TENM2: variants seen among roughly 807,000 people sequenced by gnomAD.
TENM2 encodes teneurin-2.
In TENM2, 52 loss-of-function variants were observed where a neutral mutation model predicts 245.2. The ratio of observed to expected loss-of-function variants is 0.21; its 90% CI spans 0.17 to 0.27. TENM2 has a LOEUF of 0.27. Among genes scored for constraint, TENM2 ranks in the 10% least tolerant of loss-of-function variants. TENM2 has a pLI of 1.00. For missense variants in TENM2, 3,046 were observed against 3,666.8 expected (o/e 0.83, Z 4.37); for synonymous variants, 1,363 against 1,438.9 (o/e 0.95, Z 1.19).
chr5:167,832,712 G>A (rs866390810), intron 2 of TENM2, among the ~76,000 whole-genome samples: 16 of 151,668 alleles, frequency 1.1e-4, no homozygotes, highest in Middle Eastern at 3.2e-3. Context: ...GGAAAGGAGG[G>A]ATGGAGGAAG....
At chr5:167,566,194 T>A (rs1045638878) in intron 2 of TENM2, among the ~76,000 whole-genome samples, 1 of 151,990 alleles carries the variant, frequency 6.6e-6, no homozygotes, top group Non-Finnish European at 1.5e-5. Context: ...TTTTTTTTTT[T>A]AATGAAAGAG....
chr5:167,810,514 G>C (rs1409800623), intron 2 of TENM2, among the ~76,000 whole-genome samples: 1 of 151,660 alleles, frequency 6.6e-6, no homozygotes, highest in Non-Finnish European at 1.5e-5. Flanking sequence ...TGACAGCTTT[G>C]TCATTTTCAT....
chr5:167,803,557 G>T (rs1428916956), intron 2 of TENM2, among the ~76,000 whole-genome samples: 2 of 152,054 alleles, frequency 1.3e-5, no homozygotes, highest in Non-Finnish European at 2.9e-5. Context: ...CTCCTGTGGA[G>T]CTCCGTATTT....
intron 7 of TENM2, among the ~76,000 whole-genome samples, chr5:168,075,180 T>C (rs1415001226): frequency 6.6e-6 from 1 of 152,192 alleles, no homozygotes; most frequent in Non-Finnish European, 1.5e-5. Flanking sequence ...AGTGAGAACA[T>C]ACAATGTTTG....
At chr5:167,830,767 A>G (rs1305586407) in intron 2 of TENM2, among the ~76,000 whole-genome samples, 2 of 152,186 alleles carry the variant, frequency 1.3e-5, no homozygotes, top group Non-Finnish European at 2.9e-5. Flanking sequence ...AGTGCCTCAG[A>G]GGGCTTATTA....
chr5:167,006,911 C>T, the TENM2 span, among the ~76,000 whole-genome samples: 1 of 152,168 alleles, frequency 6.6e-6, no homozygotes, highest in Non-Finnish European at 1.5e-5. Flanking sequence ...AGGTGATTCA[C>T]CCACCTCGGC....
chr5:167,172,848 A>G, the TENM2 span, among the ~76,000 whole-genome samples: 1 of 151,940 alleles, frequency 6.6e-6, no homozygotes, highest in African/African-American at 2.4e-5. Context: ...ATGAGCTTTC[A>G]TTTTTTAAAC....
intron 2 of TENM2, among the ~76,000 whole-genome samples, chr5:167,614,694 A>G (rs1777677541): frequency 1.3e-5 from 2 of 152,134 alleles, no homozygotes; most frequent in African/African-American, 2.4e-5. Flanking sequence ...AGAGAGAAGC[A>G]CATCAAAATG....
At chr5:167,849,773 A>G (rs1393892672) in intron 2 of TENM2, among the ~76,000 whole-genome samples, 1 of 152,202 alleles carries the variant, frequency 6.6e-6, no homozygotes, top group Non-Finnish European at 1.5e-5. Flanking sequence ...ACATTTATCC[A>G]TTTATTATAA....
chr5:167,764,846 T>G (rs1762904097), intron 2 of TENM2, among the ~76,000 whole-genome samples: 1 of 152,206 alleles, frequency 6.6e-6, no homozygotes, highest in African/African-American at 2.4e-5. Context: ...TGGAGCTGAC[T>G]GGGCAAATTG....
intron 2 of TENM2, among the ~76,000 whole-genome samples, chr5:167,503,119 G>C (rs1330610140): frequency 6.6e-6 from 1 of 152,082 alleles, no homozygotes; most frequent in Non-Finnish European, 1.5e-5. Context: ...GAGCCACCAC[G>C]CCTGGCCCAT....
At chr5:167,940,629 A>C (rs1013442846) in intron 3 of TENM2, among the ~76,000 whole-genome samples, 3 of 152,222 alleles carry the variant, frequency 2.0e-5, no homozygotes, top group Non-Finnish European at 2.9e-5. Flanking sequence ...GGCCGGTTCC[A>C]AATCAGGCAG....
At chr5:167,663,076 G>A (rs1005131693) in intron 2 of TENM2, among the ~76,000 whole-genome samples, 7 of 151,268 alleles carry the variant, frequency 4.6e-5, no homozygotes, top group Non-Finnish European at 1.0e-4. Flanking sequence ...TCTCCTAGGT[G>A]GCTTAAAAAC....
chr5:167,972,904 C>G (rs1033269855), intron 4 of TENM2, among the ~76,000 whole-genome samples: 3 of 152,166 alleles, frequency 2.0e-5, no homozygotes, highest in Non-Finnish European at 4.4e-5. Flanking sequence ...ATCTGACTCT[C>G]TCACTCCCCT....
intron 2 of TENM2, among the ~76,000 whole-genome samples, chr5:167,431,019 A>G (rs1230912497): frequency 6.6e-6 from 1 of 152,234 alleles, no homozygotes; most frequent in Admixed American, 6.5e-5. Flanking sequence ...AATGGCTGGT[A>G]ATCTTCTCTC....
chr5:167,929,424 T>C (rs1778113081), intron 3 of TENM2, among the ~76,000 whole-genome samples: 1 of 152,250 alleles, frequency 6.6e-6, no homozygotes, highest in Admixed American at 6.5e-5. Flanking sequence ...GTTTCTATTA[T>C]GTTACCATCA....
intron 2 of TENM2, among the ~76,000 whole-genome samples, chr5:167,661,352 T>C (rs977644542): frequency 1.2e-4 from 19 of 152,218 alleles, no homozygotes; most frequent in Admixed American, 1.2e-3. Context: ...CTGGCTCATT[T>C]TTCCAACTGT....
At chr5:167,708,261 A>G (rs917572858) in intron 2 of TENM2, among the ~76,000 whole-genome samples, 4 of 152,030 alleles carry the variant, frequency 2.6e-5, no homozygotes, top group Non-Finnish European at 5.9e-5. Flanking sequence ...AGAGAGTTAG[A>G]TGATAGGCTA....
At chr5:167,927,485 A>G (rs375220707) in intron 3 of TENM2, among the ~76,000 whole-genome samples, 1 of 152,184 alleles carries the variant, frequency 6.6e-6, no homozygotes, top group Non-Finnish European at 1.5e-5. Context: ...AGGGACACCA[A>G]CGGGGCTTAT....
Sources: allele counts gnomAD v4.1 joint callset (sites outside exome capture counted in the v4.1 genomes callset), GRCh38; gene constraint gnomAD v4.1.1; transcripts MANE v1.5; gene names NCBI Gene and HGNC (gene_info 2026-07-23, HGNC 2026-07-21).